The following KCNAB1 variants were observed in gnomAD, a reference collection of about 807,000 sequenced individuals.
KCNAB1 encodes voltage-gated potassium channel subunit beta-1.
KCNAB1 carries 35 observed loss-of-function variants against 64.6 expected under a neutral mutation model. The ratio of observed to expected loss-of-function variants is 0.54; its 90% CI spans 0.41 to 0.72. The LOEUF (loss-of-function observed/expected upper bound fraction) is 0.72. KCNAB1 is among the 30% of genes least tolerant of loss of function. The pLI, the probability that KCNAB1 is intolerant of heterozygous loss-of-function variation, is 0.00. For missense variants in KCNAB1, 401 were observed against 512.9 expected (o/e 0.78, Z 2.11); for synonymous variants, 177 against 183.8 (o/e 0.96, Z 0.30).
intron 1 of KCNAB1, among the ~76,000 whole-genome samples, chr3:156,147,970 C>CGCACAT (rs1715149453): frequency 6.6e-6 from 1 of 151,926 alleles, no homozygotes; most frequent in South Asian, 2.1e-4. Flanking sequence ...CGCACGCACA[C>CGCACAT]GCACACACAA....
chr3:156,141,973 C>T (rs1196238106), intron 1 of KCNAB1, among the ~76,000 whole-genome samples: 1 of 152,182 alleles, frequency 6.6e-6, no homozygotes, highest in Non-Finnish European at 1.5e-5. Context: ...GTAGTGATCT[C>T]TCATTGTGGA....
At chr3:156,178,845 C>G (rs1432190035) in intron 1 of KCNAB1, among the ~76,000 whole-genome samples, 2 of 151,548 alleles carry the variant, frequency 1.3e-5, no homozygotes, top group African/African-American at 4.9e-5. Context: ...ACTAAAAATA[C>G]AAAAAATTAG....
At chr3:156,207,375 G>A (rs1270207686) in intron 1 of KCNAB1, among the ~76,000 whole-genome samples, 1 of 152,190 alleles carries the variant, frequency 6.6e-6, no homozygotes, top group African/African-American at 2.4e-5. Flanking sequence ...GCTCTAGGCA[G>A]CCTACTCTTT....
intron 1 of KCNAB1, among the ~76,000 whole-genome samples, chr3:156,151,645 A>G (rs1044071773): frequency 2.6e-5 from 4 of 151,948 alleles, no homozygotes; most frequent in Non-Finnish European, 5.9e-5. Flanking sequence ...CTCTCCATTT[A>G]TTTTTCCAAG....
At chr3:156,415,088 C>A (rs1714954917) in intron 1 of KCNAB1, among the ~76,000 whole-genome samples, 1 of 152,176 alleles carries the variant, frequency 6.6e-6, no homozygotes, top group South Asian at 2.1e-4. Context: ...TCTGCAATGT[C>A]TAAGCACAAA....
At chr3:156,200,404 G>A (rs1489169740) in intron 1 of KCNAB1, among the ~76,000 whole-genome samples, 1 of 152,220 alleles carries the variant, frequency 6.6e-6, no homozygotes, top group East Asian at 1.9e-4. Context: ...AGCTTTGTCT[G>A]CTGAAGCTGC....
chr3:156,497,518 TATAA>T (rs1271909488), intron 8 of KCNAB1, among the ~76,000 whole-genome samples: 1 of 152,218 alleles, frequency 6.6e-6, no homozygotes, highest in East Asian at 1.9e-4. Context: ...CAGACAGCTG[TATAA>T]ATAAAAATCT....
intron 2 of KCNAB1, among the ~76,000 whole-genome samples, chr3:156,445,162 G>T (rs1717309633): frequency 6.6e-6 from 1 of 152,152 alleles, no homozygotes; most frequent in Non-Finnish European, 1.5e-5. Context: ...CGGGCACGGT[G>T]GCACGCGCCT....
intron 1 of KCNAB1, among the ~76,000 whole-genome samples, chr3:156,172,469 A>G (rs921101506): frequency 5.9e-5 from 9 of 152,208 alleles, no homozygotes; most frequent in African/African-American, 1.9e-4. Flanking sequence ...TTTTGGAGAC[A>G]GGGTTTCGCC....
chr3:156,222,539 A>G (rs1344347818), intron 1 of KCNAB1, among the ~76,000 whole-genome samples: 1 of 152,216 alleles, frequency 6.6e-6, no homozygotes, highest in African/African-American at 2.4e-5. Context: ...AAGTCAACAG[A>G]GAAACAATGG....
intron 1 of KCNAB1, among the ~76,000 whole-genome samples, chr3:156,370,810 A>G (rs1284516242): frequency 6.6e-6 from 1 of 152,234 alleles, no homozygotes; most frequent in African/African-American, 2.4e-5. Flanking sequence ...AAGGGCTCAC[A>G]TACAGGGGAG....
At chr3:156,348,423 A>G (rs1053162171) in intron 1 of KCNAB1, among the ~76,000 whole-genome samples, 2 of 152,142 alleles carry the variant, frequency 1.3e-5, no homozygotes, top group Non-Finnish European at 2.9e-5. Context: ...GAGATATATT[A>G]GGGGTGGGAC....
chr3:156,406,307 C>A (rs879343492), intron 1 of KCNAB1, among the ~76,000 whole-genome samples: 1 of 152,154 alleles, frequency 6.6e-6, no homozygotes, highest in Non-Finnish European at 1.5e-5. Context: ...CATTCCCCAG[C>A]TCCTTGGTCA....
At chr3:156,436,422 G>T (rs1457842342) in intron 2 of KCNAB1, among the ~76,000 whole-genome samples, 1 of 152,188 alleles carries the variant, frequency 6.6e-6, no homozygotes, top group African/African-American at 2.4e-5. Context: ...ATTCCTTTGG[G>T]TGTATACCCA....
chr3:156,262,255 GT>G (rs1191878601), intron 1 of KCNAB1, among the ~76,000 whole-genome samples: 1 of 151,908 alleles, frequency 6.6e-6, no homozygotes, highest in Non-Finnish European at 1.5e-5. Flanking sequence ...AAGTGGCAAA[GT>G]GGCATTGTTC....
In KCNAB1 at chr3:156,212,242, A is replaced by AAGTT. The variant is rs1715053629; in HGVS notation, c.275+91359_275+91360insTAGT. ...AGTACATTCTTCACCTGGAACACTCAAGTCCAAGCAGAGAAAAATTTTCTA... is the reference window on the plus strand; with the variant it reads ...AGTACATTCTTCACCTGGAACACTCAAGTTAGTCCAAGCAGAGAAAAATTTTCTA... On this transcript the variant is annotated intron_variant, in intron 1 of 13. Coordinates refer to ENST00000490337, the MANE Select transcript of KCNAB1 (RefSeq NM_172160.3). 3.3e-5 allele frequency among the ~76,000 whole-genome samples: 5 copies of AAGTT among 152,306 alleles called. No individual in the cohort carries two copies. The South Asian group carries it at 1.0e-3, about 32-fold the overall frequency.
chr3:156,311,151 A>T (rs1299125306), intron 1 of KCNAB1, among the ~76,000 whole-genome samples: 1 of 152,160 alleles, frequency 6.6e-6, no homozygotes, highest in African/African-American at 2.4e-5. Context: ...ATATGAATTA[A>T]ATATGAGGTC....
intron 1 of KCNAB1, among the ~76,000 whole-genome samples, chr3:156,261,532 A>AAAAGT (rs1271961487): frequency 6.6e-6 from 1 of 152,048 alleles, no homozygotes; most frequent in African/African-American, 2.4e-5. Flanking sequence ...CATCATTGTC[A>AAAAGT]AAAGTTAAGG....
At chr3:156,190,419 A>G (rs1713487607) in intron 1 of KCNAB1, among the ~76,000 whole-genome samples, 1 of 152,198 alleles carries the variant, frequency 6.6e-6, no homozygotes, top group African/African-American at 2.4e-5. Flanking sequence ...CATAAGAAGC[A>G]TCAAAAGTAG....
Sources: allele counts gnomAD v4.1 joint callset (sites outside exome capture counted in the v4.1 genomes callset), GRCh38; gene constraint gnomAD v4.1.1; transcripts MANE v1.5; gene names NCBI Gene and HGNC (gene_info 2026-07-23, HGNC 2026-07-21).